The following CACNA1A variants were observed in gnomAD, a reference collection of about 807,000 sequenced individuals.
CACNA1A encodes calcium voltage-gated channel subunit alpha1 A.
In CACNA1A, 57 loss-of-function variants were observed where a neutral mutation model predicts 262.4. The ratio of observed to expected loss-of-function variants is 0.22; its 90% CI spans 0.18 to 0.27. The LOEUF is 0.27. Ranked by LOEUF, CACNA1A falls within the 10% of genes least tolerant of loss-of-function variation. The pLI is 1.00. For missense variants in CACNA1A, 2,526 were observed against 3,562.8 expected (o/e 0.71, Z 7.41); for synonymous variants, 1,431 against 1,419.3 (o/e 1.01, Z -0.18).
chr19:13,308,401 A>T lies in CACNA1A; in HGVS notation c.1781+15T>A. 4 of 1,593,664 alleles carry T rather than the reference A, an allele frequency of 2.5e-6. No homozygotes were observed. The highest frequency in any genetic ancestry group is 3.4e-6 in the Non-Finnish European group (4 of 1,165,102). On this transcript the variant is annotated intron_variant, in intron 13 of 46. Coordinates refer to ENST00000360228, the MANE Select transcript of CACNA1A (RefSeq NM_001127222.2). This position sits in a 1 kb window ranked among gnomAD's most constrained non-coding sequence, Gnocchi z 4.2. ...CCACCCCCTGTACAAATGTCCAGGAACCCCAAAGACTTACTTTGTGACTTT... is the reference window on the plus strand; with the variant it reads ...CCACCCCCTGTACAAATGTCCAGGATCCCCAAAGACTTACTTTGTGACTTT...
At position 13,238,806 on chromosome 19, in the gene CACNA1A, C is replaced by T. The variant is rs529095584; in HGVS notation, c.4951-3076G>A. The stretch of plus-strand genomic sequence containing the variant: ...TTCACCATGTTGGTCAGGCTGGTCT[C>T]GAACTCCTGACCTCAGGTGATCTTC... On this transcript the variant is annotated intron_variant, in intron 31 of 46. Transcript: ENST00000360228. Among the ~76,000 whole-genome samples, 12 of 152,182 alleles carry T rather than the reference C, an allele frequency of 7.9e-5. No individual in the cohort carries two copies. The East Asian group carries it at 1.2e-3, about 15-fold the overall frequency.
At chr19:13,346,614 G>GA (rs2058767447) in intron 6 of CACNA1A, among the ~76,000 whole-genome samples, 1 of 61,642 alleles carries the variant, frequency 1.6e-5, no homozygotes, top group Non-Finnish European at 2.8e-5. Flanking sequence ...ATTTTTAATT[G>GA]ATTATATATA....
intron 1 of CACNA1A, among the ~76,000 whole-genome samples, chr19:13,463,145 T>TA (rs112868135): frequency 0.12 from 16,416 of 141,574 alleles, 1,342 homozygotes; most frequent in East Asian, 0.36. Flanking sequence ...TGCCTTTATT[T>TA]AAAAAAAAAA....
chr19:13,380,753 A>G (rs62111197), intron 3 of CACNA1A, among the ~76,000 whole-genome samples: 9,352 of 76,446 alleles, frequency 0.12, 651 homozygotes, highest in East Asian at 0.44. Context: ...TTGTTTGTTT[A>G]TTTATTTATT....
At chr19:13,442,439 C>T (rs989954117) in intron 3 of CACNA1A, among the ~76,000 whole-genome samples, 12 of 152,132 alleles carry the variant, frequency 7.9e-5, no homozygotes, top group Non-Finnish European at 1.5e-4. Context: ...AGAGACTGCC[C>T]TCCAACAGAG....
At chr19:13,290,510 C>T (rs1048031797) in intron 19 of CACNA1A, among the ~76,000 whole-genome samples, 4 of 151,996 alleles carry the variant, frequency 2.6e-5, no homozygotes, top group African/African-American at 9.7e-5. Flanking sequence ...ACTTTTAACT[C>T]CTGGGCTCAA....
At chr19:13,293,687 A>G (rs1329922219) in intron 19 of CACNA1A, among the ~76,000 whole-genome samples, 2 of 149,440 alleles carry the variant, frequency 1.3e-5, no homozygotes, top group South Asian at 2.2e-4. Context: ...TGAACTCATG[A>G]CCTTGTGATC....
chr19:13,307,600 TCTC>T, intron 15 of CACNA1A, 179 bp downstream of exon 15: 1 of 585,744 alleles, frequency 1.7e-6, no homozygotes. Context: ...ATGACATTCA[TCTC>T]CTGATCTGTT....
chr19:13,216,206 T>C (rs1176724338), intron 38 of CACNA1A, among the ~76,000 whole-genome samples: 1 of 152,198 alleles, frequency 6.6e-6, no homozygotes, highest in Non-Finnish European at 1.5e-5. Flanking sequence ...TGACGGTGTT[T>C]CCTGGCCCTC....
Position 13,230,144 on chromosome 19 carries a change from G to A in CACNA1A, c.5466C>T (p.Ile1822=), listed in dbSNP as rs781198695. Residue 1822 remains isoleucine (I), a synonymous_variant, in exon 36 of 47, where the codon ATC becomes ATT. Transcript: ENST00000360228. Reference sequence around the variant, plus strand: ...ACTCATCCAGGTGGTGGGGGCCCAGGATGGAGGAGTCTCGGGTGAGGTACT... The same window carrying A: ...ACTCATCCAGGTGGTGGGGGCCCAGAATGGAGGAGTCTCGGGTGAGGTACT... ...NFEYLTRDSS[I]LGPHHLDEYV... 5 of 1,613,946 alleles carry A rather than the reference G, an allele frequency of 3.1e-6. No individual in the cohort carries two copies. The South Asian group carries it at 5.5e-5, about 18-fold the overall frequency.
chr19:13,317,083 T>C (rs2058142599), intron 11 of CACNA1A, 29 bp downstream of exon 11: 2 of 1,481,508 alleles, frequency 1.3e-6, no homozygotes, highest in Non-Finnish European at 1.9e-6. Flanking sequence ...ATCAGGGAGT[T>C]GGCAGGGGTG....
intron 7 of CACNA1A, among the ~76,000 whole-genome samples, chr19:13,335,592 G>T (rs1439254354): frequency 6.6e-6 from 1 of 152,124 alleles, no homozygotes; most frequent in Non-Finnish European, 1.5e-5. Context: ...TGTAAAGAAA[G>T]TAAAGCCCAT....
intron 3 of CACNA1A, among the ~76,000 whole-genome samples, chr19:13,414,522 G>GT (rs2060187695): frequency 6.6e-6 from 1 of 152,180 alleles, no homozygotes; most frequent in African/African-American, 2.4e-5. Context: ...CACAAGAAAG[G>GT]TGTCATCTAG....
intron 30 of CACNA1A, among the ~76,000 whole-genome samples, chr19:13,246,906 G>C (rs754372553): frequency 6.6e-6 from 1 of 152,158 alleles, no homozygotes; most frequent in African/African-American, 2.4e-5. Flanking sequence ...GATTACAGGC[G>C]TGAGCCACCA....
intron 1 of CACNA1A, among the ~76,000 whole-genome samples, chr19:13,500,528 G>A (rs377713398): frequency 2.6e-5 from 4 of 152,098 alleles, no homozygotes; most frequent in Non-Finnish European, 5.9e-5. Flanking sequence ...CTAAGCCATC[G>A]AGGCCAGACG....
At chr19:13,310,500 A>G (rs2058008377) in intron 12 of CACNA1A, among the ~76,000 whole-genome samples, 5 of 31,756 alleles carry the variant, frequency 1.6e-4, no homozygotes, top group African/African-American at 3.0e-4. Context: ...ATATATATAT[A>G]TATATATATA....
intron 33 of CACNA1A, 29 bp from the exon 34 acceptor site, chr19:13,235,065 G>A: frequency 6.4e-7 from 1 of 1,571,332 alleles, no homozygotes; most frequent in Non-Finnish European, 8.8e-7. Context: ...ACGACCAGGG[G>A]CTGCCATTCC....
chr19:13,464,118 G>A (rs891115388), intron 1 of CACNA1A, among the ~76,000 whole-genome samples: 32 of 152,216 alleles, frequency 2.1e-4, no homozygotes, highest in African/African-American at 7.2e-4. Context: ...GCCAAATGCA[G>A]AGGTAGATGC....
chr19:13,213,172 T>C (rs1341559591), intron 40 of CACNA1A, among the ~76,000 whole-genome samples: 2 of 152,170 alleles, frequency 1.3e-5, no homozygotes, highest in Non-Finnish European at 2.9e-5. Flanking sequence ...TCCTTGCCCT[T>C]GTCTCCTCCC....
Sources: gnomAD v4.1 joint callset for allele counts (sites outside exome capture counted in the v4.1 genomes callset) on GRCh38, gnomAD v4.1.1 for gene constraint, Gnocchi (gnomAD v3.1) non-coding constraint, MANE v1.5 for transcripts, NCBI Gene and HGNC (gene_info 2026-07-23, HGNC 2026-07-21) for gene names.